The following ERBB4 variants were observed in gnomAD, a reference collection of about 807,000 sequenced individuals.
The protein encoded by ERBB4 is receptor tyrosine-protein kinase erbB-4.
Under a neutral mutation model 158.0 loss-of-function variants are expected in ERBB4, and 42 were observed. That is an observed-to-expected ratio of 0.27 (90% CI 0.21 to 0.34). ERBB4 has a LOEUF of 0.34. Ranked by LOEUF, ERBB4 falls within the 10% of genes least tolerant of loss-of-function variation. The pLI, the probability that ERBB4 is intolerant of heterozygous loss-of-function variation, is 1.00. For synonymous variants in ERBB4, 583 were observed against 558.7 expected (o/e 1.04, Z -0.61); for missense variants, 1,333 against 1,624.1 (o/e 0.82, Z 3.08).
At chr2:211,391,313 C>T (rs1324800783) in intron 25 of ERBB4, among the ~76,000 whole-genome samples, 1 of 152,102 alleles carries the variant, frequency 6.6e-6, no homozygotes, top group Non-Finnish European at 1.5e-5. Context: ...GCTGGAGTGA[C>T]CTTAAAGTTC....
chr2:211,665,153 A>T (rs1197797304), intron 15 of ERBB4, among the ~76,000 whole-genome samples, 170 bp downstream of exon 15: 2 of 152,222 alleles, frequency 1.3e-5, no homozygotes, highest in African/African-American at 4.8e-5. Flanking sequence ...GGGTGTACAA[A>T]GTTGATTCCA....
intron 1 of ERBB4, among the ~76,000 whole-genome samples, chr2:212,285,099 T>G (rs1434268623): frequency 6.6e-6 from 1 of 152,118 alleles, no homozygotes; most frequent in Non-Finnish European, 1.5e-5. Flanking sequence ...GGTCTGATAT[T>G]TACATCAATA....
intron 16 of ERBB4, among the ~76,000 whole-genome samples, chr2:211,633,141 T>A (rs1018561929): frequency 2.6e-5 from 4 of 152,132 alleles, no homozygotes; most frequent in Non-Finnish European, 4.4e-5. Flanking sequence ...TAAGAAGACT[T>A]AATAGACATA....
chr2:212,181,303 T>C (rs988016486), intron 1 of ERBB4, among the ~76,000 whole-genome samples: 1 of 151,712 alleles, frequency 6.6e-6, no homozygotes, highest in Admixed American at 6.6e-5. Flanking sequence ...AGATTTTTTG[T>C]TGTTGTTGGG....
At chr2:211,738,340 A>G (rs535551024) in intron 5 of ERBB4, among the ~76,000 whole-genome samples, 225 of 146,802 alleles carry the variant, frequency 1.5e-3, no homozygotes, top group Non-Finnish European at 2.3e-3. Context: ...ATGCAGTTAA[A>G]GTAATTTTTC....
chr2:211,769,676 G>T (rs1386317871), intron 4 of ERBB4, among the ~76,000 whole-genome samples: 2 of 152,156 alleles, frequency 1.3e-5, no homozygotes, highest in Non-Finnish European at 2.9e-5. Context: ...AGTGGCCAAA[G>T]GCCCAAGAGC....
rs147624110 is a variant in ERBB4 at position 211,424,215 on chromosome 2, C to T, written c.2806G>A (p.Gly936Arg). The T allele has an allele frequency of 6.2e-7, 1 of 1,613,408 alleles. No individual in the cohort carries two copies. Among genetic ancestry groups the T allele is most frequent in the Non-Finnish European group, 8.5e-7 (1 of 1,179,582 alleles). The change falls in exon 23 of 28, where the codon GGA becomes AGA. Residue 936 changes from glycine to arginine, a missense_variant. Transcript: ENST00000342788. ...ATGGGAGGCTGAGGCAAACGTTCTC[C>T]TTTCTCTAATAAATCAGGGATTTCT... is the stretch of plus-strand genomic sequence containing the variant. ...TREIPDLLEK[G>R]ERLPQPPICT...
chr2:212,172,524 T>C (rs572761088), intron 1 of ERBB4, among the ~76,000 whole-genome samples: 2 of 152,240 alleles, frequency 1.3e-5, no homozygotes, highest in East Asian at 3.9e-4. Flanking sequence ...CACATTTCCA[T>C]CAATTGCAGA....
chr2:211,523,959 C>G (rs971879377), intron 20 of ERBB4, among the ~76,000 whole-genome samples: 4 of 151,934 alleles, frequency 2.6e-5, no homozygotes, highest in Non-Finnish European at 4.4e-5. Flanking sequence ...CAAGTCCCTA[C>G]CAGATTAGCT....
At chr2:211,531,107 C>A (rs140124577) in intron 20 of ERBB4, among the ~76,000 whole-genome samples, 6 of 152,158 alleles carry the variant, frequency 3.9e-5, no homozygotes, top group South Asian at 2.1e-4. Flanking sequence ...AGCTAGATAT[C>A]CATATCTACA....
At chr2:212,016,645 T>A (rs904119558) in intron 2 of ERBB4, among the ~76,000 whole-genome samples, 2 of 152,152 alleles carry the variant, frequency 1.3e-5, no homozygotes, top group African/African-American at 2.4e-5. Flanking sequence ...CAAATCTATA[T>A]TTAATATGCA....
intron 20 of ERBB4, among the ~76,000 whole-genome samples, chr2:211,472,152 G>GT (rs1254964069): frequency 6.6e-6 from 1 of 151,944 alleles, no homozygotes; most frequent in Non-Finnish European, 1.5e-5. Flanking sequence ...AAGTGTGAAG[G>GT]TTGTTGCAGC....
At chr2:212,239,414 G>A (rs2084001449) in intron 1 of ERBB4, among the ~76,000 whole-genome samples, 1 of 152,176 alleles carries the variant, frequency 6.6e-6, no homozygotes, top group South Asian at 2.1e-4. Flanking sequence ...TTGTGTGAAT[G>A]TTACATGGTA....
chr2:212,176,328 T>C (rs543217153), intron 1 of ERBB4, among the ~76,000 whole-genome samples: 2 of 151,800 alleles, frequency 1.3e-5, no homozygotes, highest in South Asian at 4.2e-4. Flanking sequence ...GGGAAGTAAA[T>C]AGGTTTAGAT....
chr2:211,674,688 T>C (rs2071983957), intron 13 of ERBB4, among the ~76,000 whole-genome samples: 1 of 152,094 alleles, frequency 6.6e-6, no homozygotes, highest in African/African-American at 2.4e-5. Flanking sequence ...CTTCAGAATA[T>C]AAAAGTCCAA....
intron 2 of ERBB4, among the ~76,000 whole-genome samples, chr2:212,025,149 C>T (rs2076744288): frequency 6.6e-6 from 1 of 151,756 alleles, no homozygotes; most frequent in African/African-American, 2.4e-5. Context: ...TACACGGTAA[C>T]TCCTTGAAGA....
intron 7 of ERBB4, among the ~76,000 whole-genome samples, chr2:211,715,993 C>T (rs13393587): frequency 0.79 from 120,484 of 152,184 alleles, 48,388 homozygotes; most frequent in African/African-American, 0.92. Context: ...TGCACCCAAA[C>T]GAGTTTCAGA....
intron 5 of ERBB4, among the ~76,000 whole-genome samples, chr2:211,737,519 G>A (rs780570622): frequency 1.3e-5 from 2 of 152,170 alleles, no homozygotes; most frequent in Non-Finnish European, 2.9e-5. Context: ...ACTACAGGAA[G>A]TTCTCTGGAG....
At chr2:211,784,716 C>T (rs753135274) in intron 4 of ERBB4, among the ~76,000 whole-genome samples, 6 of 152,112 alleles carry the variant, frequency 3.9e-5, no homozygotes, top group Admixed American at 6.6e-5. Context: ...TACAATCCCA[C>T]CAAGAAGGAT....
Sources: allele counts gnomAD v4.1 joint callset (sites outside exome capture counted in the v4.1 genomes callset), GRCh38; gene constraint gnomAD v4.1.1; transcripts MANE v1.5; gene names NCBI Gene and HGNC (gene_info 2026-07-23, HGNC 2026-07-21).